The following SHROOM4 variants were observed in gnomAD, a reference collection of about 807,000 sequenced individuals.
SHROOM4 encodes shroom family member 4, also known as protein Shroom4.
Under a neutral mutation model 80.3 loss-of-function variants are expected in SHROOM4, and 17 were observed. The ratio of observed to expected loss-of-function variants is 0.21; its 90% CI spans 0.14 to 0.32. The LOEUF is 0.32. Among genes scored for constraint, SHROOM4 ranks in the 10% least tolerant of loss-of-function variants. SHROOM4 has a pLI of 1.00. For missense variants in SHROOM4, 993 were observed against 1,140.3 expected (o/e 0.87, Z 1.86); for synonymous variants, 400 against 437.5 (o/e 0.91, Z 1.07).
At chrX:50,706,788 C>T (rs1366189708) in intron 1 of SHROOM4, among the ~76,000 whole-genome samples, 1 of 111,803 alleles carries the variant, frequency 8.9e-6, no homozygotes, top group Non-Finnish European at 1.9e-5. Context: ...CTAAATATCC[C>T]ATTTGTCACG....
chrX:50,716,599 T>C (rs1167411466), intron 1 of SHROOM4, among the ~76,000 whole-genome samples: 3 of 112,037 alleles, frequency 2.7e-5, no homozygotes, highest in Non-Finnish European at 5.6e-5. Context: ...GCAAGTCAAA[T>C]ATTTTAACAA....
chrX:50,730,225 C>T (rs782541931), intron 1 of SHROOM4, among the ~76,000 whole-genome samples: 6 of 110,361 alleles, frequency 5.4e-5, no homozygotes, highest in Admixed American at 3.9e-4. Context: ...GTTGGGAGTT[C>T]GAGACCAGCA....
intron 2 of SHROOM4, among the ~76,000 whole-genome samples, chrX:50,690,100 T>C (rs1933184638): frequency 1.8e-5 from 2 of 112,074 alleles, no homozygotes; most frequent in Non-Finnish European, 3.8e-5. Context: ...GTCCCTAAAG[T>C]ATTTTTGGAA....
At chrX:50,679,240 GAAAAGAACTTCCTC>G (rs1932895738) in intron 2 of SHROOM4, among the ~76,000 whole-genome samples, 1 of 110,902 alleles carries the variant, frequency 9.0e-6, no homozygotes, top group Non-Finnish European at 1.9e-5. Flanking sequence ...TAAGCATTGA[GAAAAGAACTTCCTC>G]TTCTTTCCAC....
chrX:50,651,313 ACCATT>A (rs1932045129), intron 2 of SHROOM4, among the ~76,000 whole-genome samples: 1 of 112,098 alleles, frequency 8.9e-6, no homozygotes, highest in Non-Finnish European at 1.9e-5. Context: ...TTTCATATAC[ACCATT>A]CCATTTCATT....
At chrX:50,637,190 C>T (rs2147304315) in intron 3 of SHROOM4, among the ~76,000 whole-genome samples, 1 of 111,839 alleles carries the variant, frequency 8.9e-6, no homozygotes, top group East Asian at 2.8e-4. Context: ...GCCAGTAACT[C>T]CCTTTGACTA....
Position 50,591,688 on chromosome X carries a change from TCTTTC to T in SHROOM4, c.*5002_*5006del, listed in dbSNP as rs1557245467. On this transcript the variant is annotated 3_prime_UTR_variant, in exon 9 of 9. Transcript: ENST00000376020. ...GAACTGTTTTCTTTCTTTCTTTCTT[TCTTTC>T]TTTTCTTTCTTTCTTTCTTTCTTTC... 1.1e-5 allele frequency: 3 copies of T among 262,834 alleles called. No homozygotes were observed. The highest frequency in any genetic ancestry group is 2.0e-5 in the Non-Finnish European group (3 of 149,829). 21.7% of individuals were successfully genotyped at this position (262,834 alleles called of 1,213,427 possible).
chrX:50,746,292 A>C (rs1557267602), intron 1 of SHROOM4, among the ~76,000 whole-genome samples: 1 of 111,234 alleles, frequency 9.0e-6, no homozygotes, highest in Non-Finnish European at 1.9e-5. Flanking sequence ...CTGTCACTAT[A>C]GATTAGTTTT....
At position 50,596,616 on chromosome X, in the gene SHROOM4, T is replaced by A. The variant is rs1929124715; in HGVS notation, c.*79A>T. Reference sequence around the variant, plus strand: ...AAACTGCTAATTGCTATCTACTTGCTGAGAAACTGCTAACAAAGAAGATTG... The same window carrying A: ...AAACTGCTAATTGCTATCTACTTGCAGAGAAACTGCTAACAAAGAAGATTG... On this transcript the variant is annotated 3_prime_UTR_variant, in exon 9 of 9. Coordinates refer to ENST00000376020, the MANE Select transcript of SHROOM4 (RefSeq NM_020717.5). The A allele has an allele frequency of 8.6e-7, 1 of 1,167,396 alleles. No individual in the cohort carries two copies. The highest frequency in any genetic ancestry group is 1.8e-5 in the African/African-American group (1 of 56,706).
At chrX:50,756,118 A>T (rs7876117) in intron 1 of SHROOM4, among the ~76,000 whole-genome samples, 6,194 of 111,369 alleles carry the variant, frequency 0.056, 436 homozygotes, top group African/African-American at 0.19. Context: ...ATTATCCTAA[A>T]CAGAAACCTT....
intron 6 of SHROOM4, among the ~76,000 whole-genome samples, chrX:50,605,020 T>G (rs946170707): frequency 8.9e-5 from 10 of 112,210 alleles, no homozygotes; most frequent in African/African-American, 3.2e-4. Context: ...TATCTTTGTT[T>G]GCATTTTAGA....
At chrX:50,715,732 G>A (rs1420574840) in intron 1 of SHROOM4, among the ~76,000 whole-genome samples, 2 of 110,785 alleles carry the variant, frequency 1.8e-5, no homozygotes, top group Admixed American at 9.6e-5. Context: ...GTTAGGTGCT[G>A]TGGTGAGGCT....
intron 2 of SHROOM4, among the ~76,000 whole-genome samples, chrX:50,644,658 T>C (rs1316143304): frequency 2.7e-5 from 3 of 112,768 alleles, no homozygotes; most frequent in African/African-American, 9.7e-5. Context: ...TTATGCAAAC[T>C]CCCTTAGGAC....
At chrX:50,778,459 C>T (rs1336049280) in intron 1 of SHROOM4, among the ~76,000 whole-genome samples, 2 of 111,664 alleles carry the variant, frequency 1.8e-5, no homozygotes, top group Non-Finnish European at 3.8e-5. Flanking sequence ...TGACTCCACC[C>T]AGACCTACTG....
At chrX:50,577,197 A>G in the SHROOM4 span, among the ~76,000 whole-genome samples, 1 of 112,639 alleles carries the variant, frequency 8.9e-6, no homozygotes. Flanking sequence ...TTTTCACTGG[A>G]CATAGAGATT....
the SHROOM4 span, among the ~76,000 whole-genome samples, chrX:50,576,643 T>C: frequency 9.0e-6 from 1 of 111,213 alleles, no homozygotes; most frequent in Admixed American, 9.6e-5. Flanking sequence ...GTTCTGTTTG[T>C]TCCCTCTGCT....
intron 2 of SHROOM4, among the ~76,000 whole-genome samples, chrX:50,645,509 T>C (rs1007899121): frequency 5.4e-5 from 6 of 111,438 alleles, no homozygotes; most frequent in African/African-American, 2.0e-4. Flanking sequence ...GGTGCAAGCA[T>C]GTTCATGGAG....
intron 2 of SHROOM4, among the ~76,000 whole-genome samples, chrX:50,640,213 G>A (rs1306315721): frequency 8.9e-6 from 1 of 111,934 alleles, no homozygotes; most frequent in Non-Finnish European, 1.9e-5. Context: ...TGAGGATATA[G>A]TGGTGAACAG....
In SHROOM4 at chrX:50,693,530, C is replaced by T. The variant is rs782801317; in HGVS notation, c.269+2256G>A. ...GCAGTTAGCCGAGATCATGCCACTGCACTCCAGCCTGGGCGACAGAGCAAA... is the reference window on the plus strand; with the variant it reads ...GCAGTTAGCCGAGATCATGCCACTGTACTCCAGCCTGGGCGACAGAGCAAA... On this transcript the variant is annotated intron_variant, in intron 2 of 8. Transcript: ENST00000376020. Among the ~76,000 whole-genome samples, 5 of 104,872 alleles carry T rather than the reference C, an allele frequency of 4.8e-5. No homozygotes were observed. The East Asian group carries it at 1.5e-3, about 31-fold the overall frequency. 91.1% of individuals were successfully genotyped at this position (104,872 alleles called of 115,157 possible).
Sources: gnomAD v4.1 joint callset for allele counts (sites outside exome capture counted in the v4.1 genomes callset) on GRCh38, gnomAD v4.1.1 for gene constraint, MANE v1.5 for transcripts, NCBI Gene and HGNC (gene_info 2026-07-23, HGNC 2026-07-21) for gene names.